Variants in ATG10 observed in about 807,000 individuals in gnomAD.
ATG10 encodes the protein autophagy related 10.
ATG10 carries 30 observed loss-of-function variants against 32.1 expected under a neutral mutation model. The ratio of observed to expected loss-of-function variants is 0.94; its 90% CI spans 0.70 to 1.27. The LOEUF is 1.27. ATG10 is among the 50% of genes most tolerant of loss of function. ATG10 has a pLI of 0.00. For missense variants in ATG10, 233 were observed against 262.3 expected (o/e 0.89, Z 0.77); for synonymous variants, 87 against 91.5 (o/e 0.95, Z 0.28).
At chr5:82,198,594 T>C (rs570798021) in intron 5 of ATG10, among the ~76,000 whole-genome samples, 1 of 152,216 alleles carries the variant, frequency 6.6e-6, no homozygotes, top group Non-Finnish European at 1.5e-5. Context: ...TCTGTAGTTT[T>C]AGCCTTAACT....
chr5:82,162,567 G>A (rs1487601189), intron 3 of ATG10, among the ~76,000 whole-genome samples: 4 of 152,012 alleles, frequency 2.6e-5, no homozygotes, highest in African/African-American at 9.7e-5. Flanking sequence ...AAAAAATAGA[G>A]GTATGCAAGG....
In ATG10 at chr5:82,148,278, T is replaced by C. The variant is rs534634969; in HGVS notation, c.217-16121T>C. ...CTGTATCAAGAGAACTCACCTAATATTTTGACCTCTGATCCAGTGATCTGA... is the reference window on the plus strand; with the variant it reads ...CTGTATCAAGAGAACTCACCTAATACTTTGACCTCTGATCCAGTGATCTGA... On this transcript the variant is annotated intron_variant, in intron 3 of 7. Coordinates refer to ENST00000282185, the MANE Select transcript of ATG10 (RefSeq NM_031482.5). Among the ~76,000 whole-genome samples the C allele has an allele frequency of 1.6e-4, 25 of 152,304 alleles. No individual in the cohort carries two copies. In the East Asian group the frequency reaches 4.1e-3, roughly 25 times the overall value.
In ATG10 at chr5:81,997,058, A is replaced by G. The variant is rs540448129; in HGVS notation, c.108+9380A>G. 2.0e-5 allele frequency among the ~76,000 whole-genome samples: 3 copies of G among 151,850 alleles called. No individual in the cohort carries two copies. In the South Asian group the frequency reaches 6.2e-4, roughly 32 times the overall value. ...CACACACATGGATGCCAGTGACCCT[A>G]CCCCCTCACCCTGTGCCACCATTGT... On this transcript the variant is annotated intron_variant, in intron 2 of 7. Coordinates refer to ENST00000282185, the MANE Select transcript of ATG10 (RefSeq NM_031482.5).
chr5:82,213,584 A>G (rs1370672666), intron 5 of ATG10, among the ~76,000 whole-genome samples: 1 of 152,222 alleles, frequency 6.6e-6, no homozygotes, highest in African/African-American at 2.4e-5. Context: ...TATAATGAGA[A>G]TATTACCTGG....
intron 5 of ATG10, among the ~76,000 whole-genome samples, chr5:82,191,770 A>G (rs998442696): frequency 6.6e-6 from 1 of 152,164 alleles, no homozygotes; most frequent in East Asian, 1.9e-4. Flanking sequence ...TGAGAATATC[A>G]GGAAAGCTCT....
chr5:81,982,832 T>C (rs1455754206), intron 1 of ATG10, among the ~76,000 whole-genome samples: 1 of 152,228 alleles, frequency 6.6e-6, no homozygotes, highest in African/African-American at 2.4e-5. Context: ...TTAATCCATT[T>C]AACCCCGAGT....
At chr5:82,105,486 T>C (rs923348373) in intron 3 of ATG10, among the ~76,000 whole-genome samples, 4 of 152,272 alleles carry the variant, frequency 2.6e-5, no homozygotes, top group African/African-American at 7.2e-5. Context: ...TGCAGTCATA[T>C]ATGTAACTGT....
chr5:82,255,394 A>G lies in ATG10; in HGVS notation c.*1331A>G, dbSNP rs927570591. 6.7e-6 allele frequency: 1 copy of G among 150,086 alleles called. No homozygotes were observed. The highest frequency in any genetic ancestry group is 2.4e-5 in the African/African-American group (1 of 40,870). The allele number at this position is 150,086 out of a possible 1,614,324, so 9.3% of individuals were successfully genotyped here. ...ATTAAGATAAACCTAACCTGGAACA[A>G]TTTTTTTTTTGGTTGCTTGTTTTGT... On this transcript the variant is annotated 3_prime_UTR_variant, in exon 8 of 8. Coordinates refer to ENST00000282185, the MANE Select transcript of ATG10 (RefSeq NM_031482.5).
In ATG10 at chr5:82,142,887, A is replaced by T. The variant is rs564086828; in HGVS notation, c.217-21512A>T. On this transcript the variant is annotated intron_variant, in intron 3 of 7. Coordinates refer to ENST00000282185, the MANE Select transcript of ATG10 (RefSeq NM_031482.5). The stretch of plus-strand genomic sequence containing the variant: ...AATAAATTTGGGATGACTTTTGGAC[A>T]TCTGGGTATTATGTACATGCCGTTG... Among the ~76,000 whole-genome samples the T allele has an allele frequency of 3.9e-5, 6 of 152,330 alleles. No homozygotes were observed. In the South Asian group the frequency reaches 1.2e-3, roughly 32 times the overall value.
intron 2 of ATG10, among the ~76,000 whole-genome samples, chr5:82,018,340 GTCA>G (rs1762342146): frequency 6.6e-6 from 1 of 152,002 alleles, no homozygotes; most frequent in African/African-American, 2.4e-5. Context: ...CATACCATCT[GTCA>G]TCATCTTCCC....
chr5:82,091,862 T>C (rs1764898186), intron 3 of ATG10, among the ~76,000 whole-genome samples: 1 of 152,294 alleles, frequency 6.6e-6, no homozygotes, highest in Admixed American at 6.5e-5. Flanking sequence ...GTAGAAACCA[T>C]ATTACAAGAC....
intron 3 of ATG10, among the ~76,000 whole-genome samples, chr5:82,109,733 C>T (rs1179236527): frequency 1.3e-5 from 2 of 149,628 alleles, no homozygotes; most frequent in African/African-American, 4.9e-5. Context: ...ATTCTTCGCT[C>T]CTTCCCTTCC....
chr5:82,029,548 A>T (rs1200605663), intron 2 of ATG10, among the ~76,000 whole-genome samples: 1 of 152,208 alleles, frequency 6.6e-6, no homozygotes, highest in African/African-American at 2.4e-5. Context: ...TGGAATAAAA[A>T]ACAAGGACTG....
chr5:82,115,621 T>C (rs916994499), intron 3 of ATG10, among the ~76,000 whole-genome samples: 1 of 152,104 alleles, frequency 6.6e-6, no homozygotes, highest in African/African-American at 2.4e-5. Context: ...GTTTAATCAA[T>C]TTTTTTGTAA....
chr5:82,205,574 T>G (rs1454827155), intron 5 of ATG10, among the ~76,000 whole-genome samples: 1 of 152,204 alleles, frequency 6.6e-6, no homozygotes, highest in East Asian at 1.9e-4. Flanking sequence ...TTCAGATGTA[T>G]TTTTAGTTTG....
intron 2 of ATG10, among the ~76,000 whole-genome samples, chr5:81,993,300 TC>T (rs398109093): frequency 1.2e-4 from 14 of 117,480 alleles, no homozygotes; most frequent in Middle Eastern, 8.1e-3. Flanking sequence ...CTTCTTTCTT[TC>T]CTTTCTTTCC....
intron 1 of ATG10, among the ~76,000 whole-genome samples, chr5:81,973,778 T>C (rs1561232852): frequency 6.6e-6 from 1 of 152,182 alleles, no homozygotes; most frequent in East Asian, 1.9e-4. Context: ...GACCAAAAAA[T>C]AAATCCTGAG....
chr5:82,000,314 A>G (rs1761810983), intron 2 of ATG10, among the ~76,000 whole-genome samples: 1 of 152,222 alleles, frequency 6.6e-6, no homozygotes, highest in African/African-American at 2.4e-5. Flanking sequence ...GAAGGAACAT[A>G]CTTCAAAATA....
chr5:82,094,568 A>G (rs1022144310), intron 3 of ATG10, among the ~76,000 whole-genome samples: 1 of 152,166 alleles, frequency 6.6e-6, no homozygotes, highest in South Asian at 2.1e-4. Context: ...CTAGAAATAC[A>G]TCCTAAGCAA....
Sources: gnomAD v4.1 joint callset for allele counts (sites outside exome capture counted in the v4.1 genomes callset) on GRCh38, gnomAD v4.1.1 for gene constraint, MANE v1.5 for transcripts, NCBI Gene and HGNC (gene_info 2026-07-23, HGNC 2026-07-21) for gene names.